Variants in CRPPA observed in about 807,000 individuals in gnomAD.
CRPPA encodes the protein D-ribitol-5-phosphate cytidylyltransferase.
CRPPA carries 43 observed loss-of-function variants against 52.0 expected under a neutral mutation model. The ratio of observed to expected loss-of-function variants is 0.83; its 90% CI spans 0.65 to 1.07. CRPPA has a LOEUF of 1.07. Among genes scored for constraint, CRPPA ranks in the 50% least tolerant of loss-of-function variants. The pLI is 0.00. For missense variants in CRPPA, 629 were observed against 551.7 expected, an observed-to-expected ratio of 1.14 and a Z score of -1.40; for synonymous variants, 250 against 203.5, an observed-to-expected ratio of 1.23 and a Z score of -1.94.
intron 9 of CRPPA, among the ~76,000 whole-genome samples, chr7:16,181,084 T>A (rs1781404281): frequency 6.6e-6 from 1 of 151,996 alleles, no homozygotes; most frequent in African/African-American, 2.4e-5. Flanking sequence ...ATTGATAATA[T>A]TTTTTCCTCA....
At chr7:16,381,925 TG>T (rs1172706480) in intron 2 of CRPPA, among the ~76,000 whole-genome samples, 6 of 152,166 alleles carry the variant, frequency 3.9e-5, no homozygotes, top group African/African-American at 1.4e-4. Flanking sequence ...AGTGCACTGA[TG>T]GGTCTTCACT....
intron 3 of CRPPA, among the ~76,000 whole-genome samples, chr7:16,359,234 G>A (rs1786380910): frequency 6.6e-6 from 1 of 152,120 alleles, no homozygotes; most frequent in Admixed American, 6.6e-5. Flanking sequence ...GTGATCCTCT[G>A]CCTCAGCCTC....
chr7:16,348,002 A>G (rs1479378975), intron 3 of CRPPA, among the ~76,000 whole-genome samples: 1 of 152,106 alleles, frequency 6.6e-6, no homozygotes, highest in Non-Finnish European at 1.5e-5. Context: ...GGGACTATAA[A>G]TAGCTCCCCA....
intron 9 of CRPPA, among the ~76,000 whole-genome samples, chr7:16,178,550 A>C (rs1446752606): frequency 6.6e-6 from 1 of 152,132 alleles, no homozygotes; most frequent in Middle Eastern, 3.2e-3. Context: ...TTATTATCAA[A>C]AACGTTTTAT....
At chr7:16,374,404 T>C (rs1445175770) in intron 3 of CRPPA, among the ~76,000 whole-genome samples, 2 of 152,170 alleles carry the variant, frequency 1.3e-5, no homozygotes, top group East Asian at 1.9e-4. Context: ...TACCAGCTTC[T>C]TTCTTCCCCA....
chr7:16,138,197 A>G (rs1445771748), intron 9 of CRPPA, among the ~76,000 whole-genome samples: 1 of 152,192 alleles, frequency 6.6e-6, no homozygotes, highest in African/African-American at 2.4e-5. Flanking sequence ...CAAGATAATC[A>G]TTTCTAAAGA....
chr7:16,342,291 C>A (rs553663796), intron 3 of CRPPA, among the ~76,000 whole-genome samples: 30 of 151,800 alleles, frequency 2.0e-4, no homozygotes, highest in Admixed American at 1.6e-3. Context: ...CCTAATAAAT[C>A]AAAAAAATAA....
intron 4 of CRPPA, among the ~76,000 whole-genome samples, chr7:16,302,297 A>C: frequency 6.8e-6 from 1 of 147,392 alleles, no homozygotes; most frequent in Non-Finnish European, 1.5e-5. Flanking sequence ...CTCTGTCTCA[A>C]AAAAAAAAAA....
chr7:16,177,859 TC>T (rs1781334006), intron 9 of CRPPA, among the ~76,000 whole-genome samples: 1 of 152,134 alleles, frequency 6.6e-6, no homozygotes, highest in Non-Finnish European at 1.5e-5. Flanking sequence ...ATGGCTATTT[TC>T]CCTCTGGAAT....
intron 3 of CRPPA, among the ~76,000 whole-genome samples, chr7:16,327,259 T>A (rs1253566980): frequency 3.3e-5 from 5 of 152,136 alleles, no homozygotes; most frequent in Non-Finnish European, 5.9e-5. Flanking sequence ...TGGCTGGCCC[T>A]CACCCTTTGT....
intron 9 of CRPPA, among the ~76,000 whole-genome samples, chr7:16,210,142 A>G (rs1207359681): frequency 6.6e-6 from 1 of 152,246 alleles, no homozygotes; most frequent in Non-Finnish European, 1.5e-5. Context: ...AAAAGCATAT[A>G]CATATATACA....
intron 3 of CRPPA, among the ~76,000 whole-genome samples, chr7:16,343,361 A>C (rs1274267856): frequency 6.6e-6 from 1 of 152,106 alleles, no homozygotes; most frequent in African/African-American, 2.4e-5. Flanking sequence ...ACTCTTCTGA[A>C]TCTGAAGGGA....
At chr7:16,152,420 C>G (rs1300970287) in intron 9 of CRPPA, among the ~76,000 whole-genome samples, 1 of 151,850 alleles carries the variant, frequency 6.6e-6, no homozygotes, top group Non-Finnish European at 1.5e-5. Flanking sequence ...TAACTACCCC[C>G]CAGTGAGGGT....
At chr7:16,289,924 C>A (rs1261920964) in intron 5 of CRPPA, among the ~76,000 whole-genome samples, 1 of 152,024 alleles carries the variant, frequency 6.6e-6, no homozygotes, top group Non-Finnish European at 1.5e-5. Flanking sequence ...TTTAGAAAAA[C>A]ATAATGACTC....
At chr7:16,333,880 C>G (rs1381363787) in intron 3 of CRPPA, among the ~76,000 whole-genome samples, 1 of 152,186 alleles carries the variant, frequency 6.6e-6, no homozygotes, top group South Asian at 2.1e-4. Context: ...TTTGACTATA[C>G]TACCACTGCC....
At chr7:16,351,322 G>C (rs1369795137) in intron 3 of CRPPA, among the ~76,000 whole-genome samples, 1 of 152,098 alleles carries the variant, frequency 6.6e-6, no homozygotes, top group Non-Finnish European at 1.5e-5. Context: ...GGAAAACCTA[G>C]GTAATACCAT....
At chr7:16,271,329 C>T (rs1292503124) in intron 6 of CRPPA, among the ~76,000 whole-genome samples, 1 of 152,118 alleles carries the variant, frequency 6.6e-6, no homozygotes. Flanking sequence ...CTCTGTAGAA[C>T]TGTACTTTTA....
chr7:16,198,015 C>T (rs578179948), intron 9 of CRPPA, among the ~76,000 whole-genome samples: 1,790 of 124,756 alleles, frequency 0.014, 55 homozygotes, highest in African/African-American at 0.054. Flanking sequence ...ACAAAAACTG[C>T]GGAAGGCCGC....
chr7:16,208,298 T>A (rs940459746), intron 9 of CRPPA, among the ~76,000 whole-genome samples: 6 of 152,186 alleles, frequency 3.9e-5, no homozygotes, highest in Non-Finnish European at 7.3e-5. Context: ...TATACCTCTA[T>A]TTTTGCCAGT....
Sources: allele counts gnomAD v4.1 joint callset (sites outside exome capture counted in the v4.1 genomes callset), GRCh38; gene constraint gnomAD v4.1.1; transcripts MANE v1.5; gene names NCBI Gene and HGNC (gene_info 2026-07-23, HGNC 2026-07-21).